The following ZNF326 variants were observed in gnomAD, a reference collection of about 807,000 sequenced individuals.
ZNF326 encodes DBIRD complex subunit ZNF326.
A neutral mutation model predicts 63.1 loss-of-function variants in ZNF326; 30 were observed. The ratio of observed to expected loss-of-function variants is 0.48; its 90% CI spans 0.36 to 0.64. The LOEUF (loss-of-function observed/expected upper bound fraction) is 0.64. ZNF326 is among the 30% of genes least tolerant of loss of function. ZNF326 has a pLI of 0.00. For synonymous variants in ZNF326, 194 were observed against 228.2 expected, an observed-to-expected ratio of 0.85 and a Z score of 1.35; for missense variants, 609 against 720.3, an observed-to-expected ratio of 0.85 and a Z score of 1.77.
chr1:90,025,390 G>A (rs1221487411), intron 11 of ZNF326, among the ~76,000 whole-genome samples: 2 of 152,098 alleles, frequency 1.3e-5, no homozygotes, highest in Non-Finnish European at 2.9e-5. Context: ...TCCACCTCCC[G>A]GGTTCAAACG....
Position 90,022,262 on chromosome 1 carries a change from C to G in ZNF326, c.1318C>G (p.Gln440Glu), listed in dbSNP as rs1281885345. 6.2e-7 allele frequency: 1 copy of G among 1,609,970 alleles called. No individual in the cohort carries two copies. The highest frequency in any genetic ancestry group is 1.1e-5 in the South Asian group (1 of 90,520). Residue 440 changes from glutamine to glutamate, a missense_variant, in exon 11 of 12, where the codon CAA (glutamine) becomes GAA (glutamate). Physicochemically the swap from Gln to Glu is conservative, Grantham distance 29. Around this residue, in one of 3 missense-constraint regions of ZNF326, gnomAD observed 399 missense variants for 444.3 expected, o/e 0.90. Coordinates refer to ENST00000340281, the MANE Select transcript of ZNF326 (RefSeq NM_182976.4). ...HIKGKQAYKE[Q>E]IKRESVLTAT... is the part of the protein sequence containing the mutation. ...CTGTTTTTTATAGGCTTATAAGGAA[C>G]AAATAAAAAGAGAGAGTGTCTTGAC...
chr1:90,015,499 G>T (rs1649460155), intron 7 of ZNF326, among the ~76,000 whole-genome samples: 1 of 152,134 alleles, frequency 6.6e-6, no homozygotes, highest in Non-Finnish European at 1.5e-5. Flanking sequence ...GGGCAACATG[G>T]TGAAACCTCA....
At chr1:89,997,092 GC>G (rs901918494) in intron 1 of ZNF326, among the ~76,000 whole-genome samples, 2 of 152,176 alleles carry the variant, frequency 1.3e-5, no homozygotes, top group African/African-American at 4.8e-5. Context: ...CTGTCTCACT[GC>G]CCAAATATAC....
At chr1:90,016,699 A>T (rs1649518745) in intron 7 of ZNF326, among the ~76,000 whole-genome samples, 1 of 151,798 alleles carries the variant, frequency 6.6e-6, no homozygotes, top group Admixed American at 6.6e-5. Context: ...CCTGGGCAGC[A>T]GAGCGAGGCT....
Position 90,017,162 on chromosome 1 carries a change from G to GT in ZNF326, c.927-147dup, listed in dbSNP as rs145307689. ...CTGTCCAAATATGTACTTAAATACT[G>GT]TTTTTTTTGGATTTAAGCTAAGTTT... On this transcript the variant is annotated intron_variant, in intron 7 of 11. Transcript: ENST00000340281. Among the ~76,000 whole-genome samples the GT allele has an allele frequency of 2.1e-4, 32 of 151,936 alleles. No homozygotes were observed. The East Asian group carries it at 2.3e-3, about 11-fold the overall frequency.
intron 6 of ZNF326, among the ~76,000 whole-genome samples, chr1:90,010,543 A>G (rs1649188548): frequency 6.6e-6 from 1 of 152,108 alleles, no homozygotes; most frequent in South Asian, 2.1e-4. Flanking sequence ...ACAGCTGAGA[A>G]AACAGGCACA....
At chr1:90,016,562 T>C (rs2816886) in intron 7 of ZNF326, among the ~76,000 whole-genome samples, 99,988 of 151,612 alleles carry the variant, frequency 0.66, 33,352 homozygotes, top group East Asian at 0.92. Context: ...ACTAAAAATA[T>C]AAAAATTAGC....
chr1:90,004,631 G>T (rs566381922), intron 2 of ZNF326, among the ~76,000 whole-genome samples: 8 of 152,082 alleles, frequency 5.3e-5, no homozygotes, highest in Non-Finnish European at 1.2e-4. Flanking sequence ...CAGGTGGATT[G>T]CTTGAGCCCA....
At chr1:90,009,981 G>A in intron 5 of ZNF326, 107 bp from the exon 6 acceptor site, 1 of 1,069,056 alleles carries the variant, frequency 9.4e-7, no homozygotes. Context: ...TACATTCCAG[G>A]GAATTTTCAG....
In ZNF326 at chr1:89,996,120, A is replaced by G. The variant is rs2101043346; in HGVS notation, c.16+847A>G. 2.0e-5 allele frequency among the ~76,000 whole-genome samples: 3 copies of G among 152,312 alleles called. No homozygotes were observed. In the South Asian group the frequency reaches 6.2e-4, roughly 32 times the overall value. On this transcript the variant is annotated intron_variant, in intron 1 of 11. Coordinates refer to ENST00000340281, the MANE Select transcript of ZNF326 (RefSeq NM_182976.4). Reference sequence around the variant, plus strand: ...TTTAAACCACTTTTACAGGGTCACAAAGTAATATTAATTTGGTCTTCACTT... The same window carrying G: ...TTTAAACCACTTTTACAGGGTCACAGAGTAATATTAATTTGGTCTTCACTT...
chr1:90,020,977 T>TTA, intron 10 of ZNF326, 55 bp downstream of exon 10: 1 of 1,586,330 alleles, frequency 6.3e-7, no homozygotes, highest in East Asian at 2.2e-5. Context: ...AATCTTTTAT[T>TTA]GTTCTTTGGC....
rs529496540 is a variant in ZNF326, at chr1:89,995,151, G to A, written c.-107G>A. The A allele has an allele frequency of 4.4e-6, 6 of 1,377,134 alleles. No individual in the cohort carries two copies. The African/African-American group carries it at 7.5e-5, about 17-fold the overall frequency. The allele number at this position is 1,377,134 out of a possible 1,614,324, so 85.3% of individuals were successfully genotyped here. A position where few individuals can be genotyped will look rare whatever the true frequency, so the allele number is the denominator to read the frequency against. On this transcript the variant is annotated 5_prime_UTR_variant, in exon 1 of 12. Coordinates refer to ENST00000340281, the MANE Select transcript of ZNF326 (RefSeq NM_182976.4). ...GCGGCTCCCGGGCTGGTAGCGCGCC[G>A]CTCTCGGTCGCGCGGAGTGATCGTG...
chr1:90,008,930 A>G (rs1649114883), intron 5 of ZNF326, among the ~76,000 whole-genome samples: 1 of 152,158 alleles, frequency 6.6e-6, no homozygotes, highest in African/African-American at 2.4e-5. Context: ...ATAGTATACA[A>G]ATGTAAGCAA....
At chr1:89,997,746 A>G (rs554167064) in intron 1 of ZNF326, among the ~76,000 whole-genome samples, 20 of 152,326 alleles carry the variant, frequency 1.3e-4, no homozygotes, top group Non-Finnish European at 2.4e-4. Context: ...GTTACGTACA[A>G]TTCTCAGATG....
chr1:90,011,538 T>C (rs988449428), intron 6 of ZNF326, among the ~76,000 whole-genome samples: 1 of 122,552 alleles, frequency 8.2e-6, no homozygotes. Flanking sequence ...TTTTTTTTTT[T>C]AAGTATAAAG....
chr1:90,013,047 T>G (rs1027488793), intron 6 of ZNF326, 79 bp from the exon 7 acceptor site: 5 of 1,218,610 alleles, frequency 4.1e-6, no homozygotes, highest in Non-Finnish European at 5.7e-6. Context: ...CTCATAAGTA[T>G]GTACTTTACG....
At chr1:90,006,379 G>T (rs1313959319) in intron 4 of ZNF326, 1 of 982,930 alleles carries the variant, frequency 1.0e-6, no homozygotes, top group East Asian at 1.1e-4. Context: ...AGCTATATCC[G>T]TAGATGTTAT....
Position 90,017,299 on chromosome 1 carries a change from CT to C in ZNF326, c.927-10del, listed in dbSNP as rs544630103. 2,716 of 1,543,376 alleles carry C rather than the reference CT, an allele frequency of 1.8e-3. 5 individuals carry two copies. The highest frequency in any genetic ancestry group is 2.6e-3 in the Middle Eastern group (15 of 5,794). On this transcript the variant is annotated splice_polypyrimidine_tract_variant and intron_variant, in intron 7 of 11. Coordinates refer to ENST00000340281, the MANE Select transcript of ZNF326 (RefSeq NM_182976.4). The stretch of plus-strand genomic sequence containing the variant: ...GAATAAAGTAATATTTAAAGGAAAA[CT>C]TTTTTTTCTCTTACAGAATGGCATT...
chr1:90,007,640 C>T lies in ZNF326; in HGVS notation c.505C>T (p.Pro169Ser). 1 of 1,558,388 alleles carries T rather than the reference C, an allele frequency of 6.4e-7. No homozygotes were observed. The highest frequency in any genetic ancestry group is 8.7e-7 in the Non-Finnish European group (1 of 1,152,814). ...SFSSPHMKPA[P>S]VGSRGRGTPA... is the part of the protein sequence containing the mutation. ...TTCTTCACCCCATATGAAGCCTGCA[C>T]CTGTAGGCTCTCGGGGGAGAGGAAC... Residue 169 changes from proline to serine, a missense_variant, in exon 5 of 12, where the codon CCT becomes TCT. Pro to Ser is a moderately conservative substitution (Grantham distance 74, BLOSUM62 -1). This residue lies in a region of ZNF326 where 113 missense variants were observed against 187.4 expected (regional missense o/e 0.60). Transcript: ENST00000340281. This position sits in a 1 kb window ranked among gnomAD's most constrained non-coding sequence, Gnocchi z 4.9.
Sources: gnomAD v4.1 joint callset for allele counts (sites outside exome capture counted in the v4.1 genomes callset) on GRCh38, gnomAD v4.1.1 for gene constraint, gnomAD v4.1.1 regional missense constraint, Gnocchi (gnomAD v3.1) non-coding constraint, MANE v1.5 for transcripts, NCBI Gene and HGNC (gene_info 2026-07-23, HGNC 2026-07-21) for gene names.